Variants in CRACR2B observed in about 807,000 individuals in gnomAD.
CRACR2B encodes EF-hand calcium-binding domain-containing protein 4A.
A neutral mutation model predicts 46.0 loss-of-function variants in CRACR2B; 50 were observed. The ratio of observed to expected loss-of-function variants is 1.09; its 90% CI spans 0.87 to 1.38. The LOEUF (loss-of-function observed/expected upper bound fraction) is 1.38, where lower values mean the gene tolerates loss of function less well. Among genes scored for constraint, CRACR2B ranks in the 40% most tolerant of loss-of-function variants. CRACR2B has a pLI of 0.00. For synonymous variants in CRACR2B, 277 were observed against 239.6 expected, an observed-to-expected ratio of 1.16 and a Z score of -1.44; for missense variants, 667 against 535.0, an observed-to-expected ratio of 1.25 and a Z score of -2.43.
intron 1 of CRACR2B, 30 bp from the exon 2 acceptor site, chr11:828,822 G>T (rs750880313): frequency 1.9e-6 from 3 of 1,611,492 alleles, no homozygotes; most frequent in Non-Finnish European, 2.5e-6. Flanking sequence ...TGACCGCAGC[G>T]GCTCATCTCT....
rs1277168702 is a variant in CRACR2B, at chr11:831,050, T to G, written c.953+18T>G. 1.3e-6 allele frequency: 2 copies of G among 1,535,452 alleles called. No individual in the cohort carries two copies. Among genetic ancestry groups the G allele is most frequent in the Non-Finnish European group, 1.7e-6 (2 of 1,145,938 alleles). On this transcript the variant is annotated intron_variant, in intron 7 of 8. Transcript: ENST00000525077. ...ACCCAACGGTGCCGTGGGACGGGGC[T>G]GGGCGGGCCCCGGTGCGTGTCCCGG... is the stretch of plus-strand genomic sequence containing the variant.
Position 831,211 on chromosome 11 carries a change from C to T in CRACR2B, c.954-13C>T, listed in dbSNP as rs754240879. 4 of 1,609,902 alleles carry T rather than the reference C, an allele frequency of 2.5e-6. No individual in the cohort carries two copies. In the East Asian group the frequency reaches 6.7e-5, roughly 27 times the overall value. ...AGCCTTCCTGCAGCCGGGTCACCACCTCCCATCCACAGAGACGTGGTCGCC... is the reference window on the plus strand; with the variant it reads ...AGCCTTCCTGCAGCCGGGTCACCACTTCCCATCCACAGAGACGTGGTCGCC... On this transcript the variant is annotated splice_polypyrimidine_tract_variant and intron_variant, in intron 7 of 8. Transcript: ENST00000525077.
At position 830,026 on chromosome 11, in the gene CRACR2B, G is replaced by A. The variant is rs768285588; in HGVS notation, c.499G>A (p.Glu167Lys). The A allele has an allele frequency of 2.5e-6, 4 of 1,569,210 alleles. No homozygotes were observed. The Admixed American group carries it at 7.0e-5, about 28-fold the overall frequency. Reference protein sequence around the residue: ...VRTLWARLQRERPELLGSFED... With the variant: ...VRTLWARLQRKRPELLGSFED... ...GACGCTCTGGGCCAGGCTGCAGCGC[G>A]AGCGCCCCGAGCTGCTGGGCTCTTT... The change falls in exon 4 of 9, where the codon GAG (glutamate) becomes AAG (lysine). Residue 167 changes from glutamate to lysine, a missense_variant. Coordinates refer to ENST00000525077, the MANE Select transcript of CRACR2B (RefSeq NM_001286606.2).
At position 831,687 on chromosome 11, in the gene CRACR2B, G is replaced by A. The variant is rs745444906; in HGVS notation, c.1178G>A (p.Gly393Asp). Residue 393 changes from glycine (G) to aspartate (D), a missense_variant, in exon 9 of 9, where the codon GGC becomes GAC. Physicochemically the swap from Gly to Asp is moderately conservative, Grantham distance 94. Coordinates refer to ENST00000525077, the MANE Select transcript of CRACR2B (RefSeq NM_001286606.2). Reference sequence around the variant, plus strand: ...GCTCGGCCCCCCAGACGCGGCTCTGGCCACCTTCCCAGTGCCCGGTGACCA... The same window carrying A: ...GCTCGGCCCCCCAGACGCGGCTCTGACCACCTTCCCAGTGCCCGGTGACCA... ...CWARPPRRGS[G>D]HLPSAR 1.4e-5 allele frequency: 21 copies of A among 1,517,532 alleles called. No homozygotes were observed. Among genetic ancestry groups the A allele is most frequent in the Middle Eastern group, 2.0e-4 (1 of 5,018 alleles). The allele number at this position is 1,517,532 out of a possible 1,614,324, so 94.0% of individuals were successfully genotyped here.
intron 5 of CRACR2B, 104 bp from the exon 6 acceptor site, chr11:830,517 G>T: frequency 6.5e-7 from 1 of 1,541,052 alleles, no homozygotes; most frequent in South Asian, 1.2e-5. Context: ...TTCTCCACCC[G>T]ACCCCGCTCC....
At position 831,571 on chromosome 11, in the gene CRACR2B, C is replaced by T; in HGVS notation, c.1062C>T (p.Ala354=). 6.3e-7 allele frequency: 1 copy of T among 1,598,968 alleles called. No individual in the cohort carries two copies. Among genetic ancestry groups the T allele is most frequent in the East Asian group, 2.3e-5 (1 of 44,042 alleles). ...LNTRLRDDRD[A]CEARRAGSSC... ...CACGGCTGCGGGATGACAGGGACGCCTGCGAGGCCAGGCGGGCGGGCAGCA... is the reference window on the plus strand; with the variant it reads ...CACGGCTGCGGGATGACAGGGACGCTTGCGAGGCCAGGCGGGCGGGCAGCA... Residue 354 remains alanine (A), a synonymous_variant, in exon 9 of 9, where the codon GCC becomes GCT. Transcript: ENST00000525077.
intron 3 of CRACR2B, 44 bp from the exon 4 acceptor site, chr11:829,942 C>T (rs555431343): frequency 1.0e-5 from 16 of 1,535,706 alleles, no homozygotes; most frequent in Non-Finnish European, 1.4e-5. Flanking sequence ...AAGCCTGCTT[C>T]CCGCTTCTGC....
At chr11:829,585 C>A (rs35257975) in intron 3 of CRACR2B, 45 bp downstream of exon 3, 61,729 of 1,500,362 alleles carry the variant, frequency 0.041, 1,473 homozygotes, top group Non-Finnish European at 0.047. Context: ...TCTGCTGTTT[C>A]TCTGCCTGCA....
At chr11:829,102 CG>C (rs752697188) in intron 2 of CRACR2B, 139 bp downstream of exon 2, 129 of 1,316,328 alleles carry the variant, frequency 9.8e-5, no homozygotes, top group Non-Finnish European at 1.2e-4. Flanking sequence ...TGCACGCACT[CG>C]CGCCTGGGGG....
In CRACR2B at chr11:831,514, G is replaced by A. The variant is rs200295818; in HGVS notation, c.1026-21G>A. The A allele has an allele frequency of 1.1e-4, 169 of 1,563,448 alleles. 2 individuals carry two copies. The East Asian group carries it at 3.6e-3, about 33-fold the overall frequency. ...TTGAGCTCCCTCAGACCCTCTCAGT[G>A]TCGGACTCCTCCTTCCCTAGGGAGC... On this transcript the variant is annotated intron_variant, in intron 8 of 8. Transcript: ENST00000525077.
rs954236410 is a variant in CRACR2B at position 827,996 on chromosome 11, A to T, written c.-612A>T. ...GGGCGTCAGAGGCGAAGGGCTCTGC[A>T]GGCTGGGACCTTGCCCCTGCACTCT... On this transcript the variant is annotated 5_prime_UTR_variant, in exon 1 of 9. Transcript: ENST00000525077. 2.6e-5 allele frequency among the ~76,000 whole-genome samples: 4 copies of T among 151,854 alleles called. No homozygotes were observed. In the East Asian group the frequency reaches 7.7e-4, roughly 29 times the overall value.
Position 830,059 on chromosome 11 carries a change from G to T in CRACR2B, c.532G>T (p.Val178Phe). The T allele has an allele frequency of 6.4e-7, 1 of 1,559,638 alleles. No homozygotes were observed. The highest frequency in any genetic ancestry group is 8.6e-7 in the Non-Finnish European group (1 of 1,157,774). Residue 178 changes from valine to phenylalanine, a missense_variant, in exon 4 of 9, where the codon GTT becomes TTT. Transcript: ENST00000525077. The stretch of plus-strand genomic sequence containing the variant: ...CGAGCTGCTGGGCTCTTTCGAGGAT[G>T]TTCTGATACGCGCGTCGGCCTGCCT... ...RPELLGSFED[V>F]LIRASACLEE...
At chr11:829,105 G>A (rs763575425) in intron 2 of CRACR2B, 142 bp downstream of exon 2, 92 of 1,299,960 alleles carry the variant, frequency 7.1e-5, no homozygotes, top group Admixed American at 1.8e-4. Flanking sequence ...ACGCACTCGC[G>A]CCTGGGGGCT....
Position 831,689 on chromosome 11 carries a change from C to T in CRACR2B, c.1180C>T (p.His394Tyr). 6.6e-7 allele frequency: 1 copy of T among 1,516,346 alleles called. No individual in the cohort carries two copies. Among genetic ancestry groups the T allele is most frequent in the East Asian group, 2.5e-5 (1 of 39,306 alleles). 93.9% of individuals were successfully genotyped at this position (1,516,346 alleles called of 1,614,324 possible). A position where few individuals can be genotyped will look rare whatever the true frequency, so the allele number is the denominator to read the frequency against. ...WARPPRRGSG[H>Y]LPSAR The stretch of plus-strand genomic sequence containing the variant: ...TCGGCCCCCCAGACGCGGCTCTGGC[C>T]ACCTTCCCAGTGCCCGGTGACCAGC... Residue 394 changes from histidine to tyrosine, a missense_variant, in exon 9 of 9, where the codon CAC (histidine) becomes TAC (tyrosine). His to Tyr is a moderately conservative substitution (Grantham distance 83, BLOSUM62 2). Transcript: ENST00000525077.
Sources: allele counts gnomAD v4.1 joint callset (sites outside exome capture counted in the v4.1 genomes callset), GRCh38; gene constraint gnomAD v4.1.1; transcripts MANE v1.5; gene names NCBI Gene and HGNC (gene_info 2026-07-23, HGNC 2026-07-21).